The following PLEKHA2 variants were observed in gnomAD, a reference collection of about 807,000 sequenced individuals.
PLEKHA2 encodes the protein pleckstrin homology domain containing A2.
In PLEKHA2, 28 loss-of-function variants were observed where a neutral mutation model predicts 53.2. The ratio of observed to expected loss-of-function variants is 0.53; its 90% CI spans 0.39 to 0.72. The LOEUF is 0.72. Among genes scored for constraint, PLEKHA2 ranks in the 30% least tolerant of loss-of-function variants. The pLI, the probability that PLEKHA2 is intolerant of heterozygous loss-of-function variation, is 0.00. For synonymous variants in PLEKHA2, 193 were observed against 196.4 expected (o/e 0.98, Z 0.14); for missense variants, 426 against 537.9 (o/e 0.79, Z 2.06).
At chr8:38,924,051 C>G (rs1296661805) in intron 2 of PLEKHA2, among the ~76,000 whole-genome samples, 1 of 152,010 alleles carries the variant, frequency 6.6e-6, no homozygotes, top group African/African-American at 2.4e-5. Flanking sequence ...GGGGTGTCAC[C>G]ACGTTGGCTA....
chr8:38,957,267 GA>G, intron 9 of PLEKHA2, 55 bp from the exon 10 acceptor site: 1 of 1,413,088 alleles, frequency 7.1e-7, no homozygotes, highest in Non-Finnish European at 1.0e-6. Flanking sequence ...AGGACATATC[GA>G]GTCCTCTCTG....
intron 2 of PLEKHA2, among the ~76,000 whole-genome samples, chr8:38,934,049 A>T (rs180953035): frequency 3.3e-5 from 5 of 152,150 alleles, no homozygotes; most frequent in Non-Finnish European, 7.4e-5. Flanking sequence ...GCTTCAAGCG[A>T]TGTATGTTAA....
At chr8:38,963,403 A>T (rs76242682) in intron 10 of PLEKHA2, among the ~76,000 whole-genome samples, 24,722 of 152,050 alleles carry the variant, frequency 0.16, 2,130 homozygotes, top group South Asian at 0.27. Context: ...AGCTATATAT[A>T]TTTTTTTAAA....
At chr8:38,967,467 T>C (rs1226654618) in intron 10 of PLEKHA2, among the ~76,000 whole-genome samples, 1 of 152,154 alleles carries the variant, frequency 6.6e-6, no homozygotes, top group Non-Finnish European at 1.5e-5. Flanking sequence ...TACATGCCTT[T>C]CAGCAGTGTA....
At chr8:38,923,171 C>A (rs1054021105) in intron 2 of PLEKHA2, among the ~76,000 whole-genome samples, 1 of 152,170 alleles carries the variant, frequency 6.6e-6, no homozygotes, top group Non-Finnish European at 1.5e-5. Flanking sequence ...AAGCAGTTGC[C>A]ATTTTCCTTT....
intron 2 of PLEKHA2, among the ~76,000 whole-genome samples, chr8:38,928,236 C>CTTTTTTT (rs11414317): frequency 2.2e-4 from 24 of 110,148 alleles, no homozygotes; most frequent in Non-Finnish European, 2.5e-4. Flanking sequence ...CTGACCTGGT[C>CTTTTTTT]TTTTTTTTTT....
chr8:38,932,977 A>G (rs1203363638), intron 2 of PLEKHA2, among the ~76,000 whole-genome samples: 1 of 152,138 alleles, frequency 6.6e-6, no homozygotes, highest in Non-Finnish European at 1.5e-5. Context: ...CTCTCTGAAC[A>G]GGGAGAGCTG....
In PLEKHA2 at chr8:38,933,850, G is replaced by A. The variant is rs1334026338; in HGVS notation, c.142-2144G>A. Among the ~76,000 whole-genome samples, 3 of 144,672 alleles carry A rather than the reference G, an allele frequency of 2.1e-5. No individual in the cohort carries two copies. The Admixed American group carries it at 2.1e-4, about 10-fold the overall frequency. The allele number at this position is 144,672 out of a possible 152,430, so 94.9% of individuals were successfully genotyped here. ...TGAAAAAAAATGTGTAAATAGAAGT[G>A]TAAATCAGATTATCCACAGTTCATA... On this transcript the variant is annotated intron_variant, in intron 2 of 11. Coordinates refer to ENST00000617275, the MANE Select transcript of PLEKHA2 (RefSeq NM_021623.2).
chr8:38,943,542 A>C lies in PLEKHA2; in HGVS notation c.199-247A>C, dbSNP rs148953541. Among the ~76,000 whole-genome samples, 9 of 152,262 alleles carry C rather than the reference A, an allele frequency of 5.9e-5. No homozygotes were observed. The South Asian group carries it at 1.9e-3, about 32-fold the overall frequency. The stretch of plus-strand genomic sequence containing the variant: ...TTTTTGTAAAGATGAACAGACCTCA[A>C]GATAATGGTTATCTCTGACGGTGGG... On this transcript the variant is annotated intron_variant, in intron 3 of 11. Transcript: ENST00000617275.
intron 1 of PLEKHA2, among the ~76,000 whole-genome samples, chr8:38,905,351 G>T (rs762854767): frequency 1.3e-5 from 2 of 151,896 alleles, no homozygotes; most frequent in Admixed American, 1.3e-4. Context: ...CCAGCTACTC[G>T]GGAGGCTATA....
At chr8:38,915,733 G>T (rs1207811832) in intron 1 of PLEKHA2, among the ~76,000 whole-genome samples, 1 of 152,170 alleles carries the variant, frequency 6.6e-6, no homozygotes, top group African/African-American at 2.4e-5. Flanking sequence ...CTACCTCAAG[G>T]CTCCAGAAAC....
At chr8:38,964,851 CCTTTTTTT>C (rs1330750932) in intron 10 of PLEKHA2, among the ~76,000 whole-genome samples, 18 of 103,532 alleles carry the variant, frequency 1.7e-4, no homozygotes, top group Non-Finnish European at 3.4e-4. Flanking sequence ...TTGTTACTTC[CCTTTTTTT>C]TTTTTTTTTT....
intron 1 of PLEKHA2, among the ~76,000 whole-genome samples, chr8:38,911,315 C>A (rs935874223): frequency 6.6e-5 from 10 of 151,910 alleles, no homozygotes; most frequent in Admixed American, 2.0e-4. Context: ...CGGCTCACTG[C>A]AACCTCCGCC....
chr8:38,935,958 A>G (rs1183725698), intron 2 of PLEKHA2, 36 bp from the exon 3 acceptor site: 2 of 1,606,172 alleles, frequency 1.2e-6, no homozygotes, highest in African/African-American at 2.7e-5. Flanking sequence ...TGCTGTTTCC[A>G]CAGCCTTCTT....
chr8:38,949,225 C>CTT (rs201063067), intron 5 of PLEKHA2, among the ~76,000 whole-genome samples: 3 of 145,420 alleles, frequency 2.1e-5, no homozygotes, highest in Non-Finnish European at 3.0e-5. Context: ...TTCTGGACCT[C>CTT]TTTTTTTTTT....
intron 5 of PLEKHA2, among the ~76,000 whole-genome samples, chr8:38,950,101 G>A (rs553074781): frequency 6.6e-6 from 1 of 152,288 alleles, no homozygotes; most frequent in Admixed American, 6.5e-5. Context: ...GAGTACAGTG[G>A]TGTGATTATA....
intron 1 of PLEKHA2, among the ~76,000 whole-genome samples, chr8:38,910,928 G>A (rs1332660220): frequency 6.6e-6 from 1 of 152,208 alleles, no homozygotes; most frequent in East Asian, 1.9e-4. Flanking sequence ...CAATTATGTG[G>A]ATAGGGACAT....
In PLEKHA2 at chr8:38,930,186, C is replaced by CTTTATTTATTTA. The variant is rs112146378; in HGVS notation, c.142-5788_142-5777dup. Among the ~76,000 whole-genome samples the CTTTATTTATTTA allele has an allele frequency of 3.1e-3, 469 of 150,598 alleles. 5 individuals are homozygous for CTTTATTTATTTA. The highest frequency in any genetic ancestry group is 0.024 in the East Asian group (124 of 5,076). On this transcript the variant is annotated intron_variant, in intron 2 of 11. Coordinates refer to ENST00000617275, the MANE Select transcript of PLEKHA2 (RefSeq NM_021623.2). The stretch of plus-strand genomic sequence containing the variant: ...GCATTGTCTGCATAAAACCACCTAT[C>CTTTATTTATTTA]TTTATTTATTTATTTATTTATTTAT...
chr8:38,961,386 A>C (rs1018297959), intron 10 of PLEKHA2, among the ~76,000 whole-genome samples: 1 of 151,964 alleles, frequency 6.6e-6, no homozygotes, highest in African/African-American at 2.4e-5. Flanking sequence ...AAAATACAAA[A>C]ATTAGCGGGG....
Sources: gnomAD v4.1 joint callset for allele counts (sites outside exome capture counted in the v4.1 genomes callset) on GRCh38, gnomAD v4.1.1 for gene constraint, MANE v1.5 for transcripts, NCBI Gene and HGNC (gene_info 2026-07-23, HGNC 2026-07-21) for gene names.